The following WHRN variants were observed in gnomAD, a reference collection of about 807,000 sequenced individuals.
WHRN encodes the protein CASK-interacting protein CIP98.
WHRN carries 41 observed loss-of-function variants against 68.3 expected under a neutral mutation model. That is an observed-to-expected ratio of 0.60 (90% confidence interval 0.47 to 0.78). WHRN has a LOEUF of 0.78. Among genes scored for constraint, WHRN ranks in the 30% least tolerant of loss-of-function variants. WHRN has a pLI of 0.00. For synonymous variants in WHRN, 560 were observed against 561.3 expected (o/e 1.00, Z 0.03); for missense variants, 1,243 against 1,244.7 (o/e 1.00, Z 0.02).
chr9:114,448,007 A>C (rs1468864115), intron 3 of WHRN, among the ~76,000 whole-genome samples: 1 of 152,142 alleles, frequency 6.6e-6, no homozygotes, highest in Admixed American at 6.5e-5. Flanking sequence ...TTCGAGTTTC[A>C]TGTGCCCCCT....
chr9:114,430,559 C>T (rs1053816207), intron 3 of WHRN, among the ~76,000 whole-genome samples: 1 of 152,164 alleles, frequency 6.6e-6, no homozygotes, highest in African/African-American at 2.4e-5. Flanking sequence ...GCACCTGGCA[C>T]TTATGCAACC....
At chr9:114,431,111 C>T (rs557086755) in intron 3 of WHRN, among the ~76,000 whole-genome samples, 7 of 152,316 alleles carry the variant, frequency 4.6e-5, no homozygotes, top group African/African-American at 1.7e-4. Flanking sequence ...AGTGTCACCC[C>T]GTGTGGCCAG....
At chr9:114,405,431 T>C (rs1327423464) in intron 9 of WHRN, among the ~76,000 whole-genome samples, 3 of 152,228 alleles carry the variant, frequency 2.0e-5, no homozygotes, top group African/African-American at 7.2e-5. Flanking sequence ...GAGATAATAA[T>C]AGTACCAACC....
chr9:114,462,787 G>C (rs1840353049), intron 3 of WHRN, among the ~76,000 whole-genome samples: 2 of 152,178 alleles, frequency 1.3e-5, no homozygotes, highest in South Asian at 4.1e-4. Flanking sequence ...TTGGCGAGAA[G>C]AACATTCTTT....
At chr9:114,441,584 A>G (rs1314709237) in intron 3 of WHRN, among the ~76,000 whole-genome samples, 1 of 152,250 alleles carries the variant, frequency 6.6e-6, no homozygotes, top group Non-Finnish European at 1.5e-5. Context: ...AAATTCTCTA[A>G]AAATGACAGA....
chr9:114,407,759 C>A (rs981922986), intron 8 of WHRN, among the ~76,000 whole-genome samples, 188 bp downstream of exon 8: 7 of 152,166 alleles, frequency 4.6e-5, no homozygotes, highest in Non-Finnish European at 7.3e-5. Flanking sequence ...GATCCTGGTG[C>A]CTGCTAGAGA....
intron 3 of WHRN, among the ~76,000 whole-genome samples, chr9:114,433,262 G>A (rs1232012451): frequency 6.6e-6 from 1 of 152,234 alleles, no homozygotes; most frequent in Non-Finnish European, 1.5e-5. Context: ...TGGCGGAATG[G>A]CAGTAGCTTC....
At position 114,453,769 on chromosome 9, in the gene WHRN, A is replaced by C. The variant is rs559894584; in HGVS notation, c.963+12498T>G. ...AGTTTATAGTTAAATCATCTCCCCC[A>C]AAAAAACTCAAGCCCAGACACTTTC... On this transcript the variant is annotated intron_variant, in intron 3 of 11. Transcript: ENST00000362057. Among the ~76,000 whole-genome samples the C allele has an allele frequency of 5.3e-4, 80 of 152,216 alleles. 1 individual carries two copies. Among genetic ancestry groups the C allele is most frequent in the South Asian group, 3.9e-3 (19 of 4,830 alleles).
At chr9:114,486,591 G>A (rs1242420304) in intron 1 of WHRN, among the ~76,000 whole-genome samples, 2 of 152,046 alleles carry the variant, frequency 1.3e-5, no homozygotes, top group Non-Finnish European at 1.5e-5. Flanking sequence ...AGGACACAGA[G>A]CAGTGCTCTT....
At chr9:114,461,384 G>A (rs1252774779) in intron 3 of WHRN, among the ~76,000 whole-genome samples, 2 of 152,192 alleles carry the variant, frequency 1.3e-5, no homozygotes, top group African/African-American at 4.8e-5. Context: ...GAATACAGAT[G>A]AAATCCTGTT....
intron 3 of WHRN, among the ~76,000 whole-genome samples, chr9:114,436,726 G>A (rs912026498): frequency 6.6e-6 from 1 of 152,104 alleles, no homozygotes; most frequent in Non-Finnish European, 1.5e-5. Flanking sequence ...CTACTTGGGA[G>A]GCTGAGGCAG....
At position 114,478,784 on chromosome 9, in the gene WHRN, G is replaced by C. The variant is rs773825812; in HGVS notation, c.619-13C>G. On this transcript the variant is annotated splice_polypyrimidine_tract_variant and intron_variant, in intron 1 of 11. Coordinates refer to ENST00000362057, the MANE Select transcript of WHRN (RefSeq NM_015404.4). ...AGCCCTTCAGAGCCTAGGGAGAGAGGGATACAAAGGTTAGAGGAAGGGAGG... is the reference window on the plus strand; with the variant it reads ...AGCCCTTCAGAGCCTAGGGAGAGAGCGATACAAAGGTTAGAGGAAGGGAGG... The C allele has an allele frequency of 6.2e-7, 1 of 1,606,572 alleles. No individual in the cohort carries two copies. Among genetic ancestry groups the C allele is most frequent in the Admixed American group, 1.7e-5 (1 of 59,262 alleles).
intron 5 of WHRN, 117 bp from the exon 6 acceptor site, chr9:114,424,663 T>C: frequency 8.5e-7 from 1 of 1,180,122 alleles, no homozygotes; most frequent in Non-Finnish European, 1.2e-6. Flanking sequence ...TCTGTTATTC[T>C]CCCTCATAAC....
intron 1 of WHRN, among the ~76,000 whole-genome samples, chr9:114,498,729 C>A (rs1477584791): frequency 6.6e-6 from 1 of 152,158 alleles, no homozygotes; most frequent in Non-Finnish European, 1.5e-5. Flanking sequence ...CATTGTCTTC[C>A]AGGAGGCTGA....
chr9:114,460,353 G>A (rs888436919), intron 3 of WHRN, among the ~76,000 whole-genome samples: 4 of 152,192 alleles, frequency 2.6e-5, no homozygotes, highest in Non-Finnish European at 5.9e-5. Context: ...ATTAATGTCC[G>A]CCACAGGGCT....
chr9:114,470,801 C>G (rs548314678), intron 2 of WHRN, among the ~76,000 whole-genome samples: 10 of 152,118 alleles, frequency 6.6e-5, no homozygotes, highest in Non-Finnish European at 1.5e-4. Context: ...CTTGGGTGAC[C>G]TGCAGTCAGT....
intron 3 of WHRN, among the ~76,000 whole-genome samples, chr9:114,432,237 A>AT (rs766057375): frequency 3.8e-4 from 58 of 152,260 alleles, no homozygotes; most frequent in Middle Eastern, 3.4e-3. Context: ...CGGGGCTTCA[A>AT]TAAGGGCAGG....
intron 3 of WHRN, among the ~76,000 whole-genome samples, chr9:114,439,001 G>A (rs1838135644): frequency 6.6e-6 from 1 of 152,120 alleles, no homozygotes; most frequent in Non-Finnish European, 1.5e-5. Flanking sequence ...ATACGGTGAA[G>A]AAAATTAAGT....
intron 2 of WHRN, among the ~76,000 whole-genome samples, chr9:114,467,669 G>A (rs923163882): frequency 6.6e-6 from 1 of 152,176 alleles, no homozygotes; most frequent in Admixed American, 6.5e-5. Context: ...AGGGGTGGCT[G>A]CGGGCAGATT....
Sources: gnomAD v4.1 joint callset for allele counts (sites outside exome capture counted in the v4.1 genomes callset) on GRCh38, gnomAD v4.1.1 for gene constraint, MANE v1.5 for transcripts, NCBI Gene and HGNC (gene_info 2026-07-23, HGNC 2026-07-21) for gene names.